Variants in STOX2 observed in about 807,000 individuals in gnomAD.
The protein encoded by STOX2 is storkhead-box protein 2.
In STOX2, 28 loss-of-function variants were observed where a neutral mutation model predicts 60.9. That is an observed-to-expected ratio of 0.46 (90% CI 0.34 to 0.63). The LOEUF is 0.63. Among genes scored for constraint, STOX2 ranks in the 30% least tolerant of loss-of-function variants. The pLI is 0.01. For missense variants in STOX2, 1,024 were observed against 1,187.7 expected, an observed-to-expected ratio of 0.86 and a Z score of 2.03; for synonymous variants, 472 against 463.9, an observed-to-expected ratio of 1.02 and a Z score of -0.22.
At chr4:183,863,704 T>C (rs115315994) in intron 1 of STOX2, among the ~76,000 whole-genome samples, 1,655 of 152,352 alleles carry the variant, frequency 0.011, 34 homozygotes, top group African/African-American at 0.038. Flanking sequence ...ATGGCTTTGA[T>C]TTTGGATTAC....
At chr4:183,981,730 T>C (rs1395267156) in intron 1 of STOX2, among the ~76,000 whole-genome samples, 2 of 152,210 alleles carry the variant, frequency 1.3e-5, no homozygotes, top group Non-Finnish European at 1.5e-5. Flanking sequence ...CAATGTGGTA[T>C]GGAAAAAATT....
intron 1 of STOX2, among the ~76,000 whole-genome samples, chr4:183,875,843 G>A (rs1252453975): frequency 6.6e-6 from 1 of 152,136 alleles, no homozygotes; most frequent in African/African-American, 2.4e-5. Flanking sequence ...TCAGCTTCCC[G>A]AGCAGCTGTG....
chr4:183,915,559 C>T (rs1051435647), intron 1 of STOX2, among the ~76,000 whole-genome samples: 1 of 152,118 alleles, frequency 6.6e-6, no homozygotes, highest in African/African-American at 2.4e-5. Flanking sequence ...CGAATATGCC[C>T]TTATTTGGAA....
At chr4:183,830,785 A>G (rs1249260426) in intron 1 of STOX2, among the ~76,000 whole-genome samples, 1 of 152,134 alleles carries the variant, frequency 6.6e-6, no homozygotes, top group African/African-American at 2.4e-5. Context: ...TCCTCCAACA[A>G]TAGGACACTT....
intron 3 of STOX2, among the ~76,000 whole-genome samples, chr4:184,012,829 AAAT>A (rs1734220212): frequency 6.6e-6 from 1 of 152,166 alleles, no homozygotes; most frequent in South Asian, 2.1e-4. Context: ...CATTTTTGCT[AAAT>A]AATTTTTTAT....
intron 1 of STOX2, among the ~76,000 whole-genome samples, chr4:183,981,794 G>C (rs1732666142): frequency 6.6e-6 from 1 of 152,160 alleles, no homozygotes; most frequent in Non-Finnish European, 1.5e-5. Flanking sequence ...CCTGCGGCTG[G>C]GCGCAGTGGC....
intron 1 of STOX2, among the ~76,000 whole-genome samples, chr4:183,890,383 C>G (rs1319745249): frequency 6.6e-6 from 1 of 150,990 alleles, no homozygotes; most frequent in African/African-American, 2.4e-5. Context: ...CCCTGGAGGC[C>G]GAGGCGGGAG....
At chr4:183,979,414 G>A (rs1432592550) in intron 1 of STOX2, among the ~76,000 whole-genome samples, 2 of 152,150 alleles carry the variant, frequency 1.3e-5, no homozygotes, top group Non-Finnish European at 2.9e-5. Context: ...TTTGACATGA[G>A]ATTTGTGCAG....
At chr4:183,977,546 C>CGTGTGTGTGTGTGTGTGTGTGT (rs56043761) in intron 1 of STOX2, among the ~76,000 whole-genome samples, 8,043 of 147,772 alleles carry the variant, frequency 0.054, 278 homozygotes, top group Middle Eastern at 0.11. Context: ...CATTCCATTT[C>CGTGTGTGTGTGTGTGTGTGTGT]GTGTGTGTGT....
In STOX2 at chr4:183,975,307, A is replaced by G. The variant is rs1391982237; in HGVS notation, c.167-26018A>G. Among the ~76,000 whole-genome samples the G allele has an allele frequency of 3.3e-5, 5 of 152,148 alleles. No homozygotes were observed. In the East Asian group the frequency reaches 9.6e-4, roughly 29 times the overall value. ...AGAAAAAGAAGAGCAAAACAAGTCTAAAGCAAGCAGAAAGAAGGAATTTTA... is the reference window on the plus strand; with the variant it reads ...AGAAAAAGAAGAGCAAAACAAGTCTGAAGCAAGCAGAAAGAAGGAATTTTA... On this transcript the variant is annotated intron_variant, in intron 1 of 3. Transcript: ENST00000308497.
At position 184,013,518 on chromosome 4, in the gene STOX2, A is replaced by G. The variant is rs188534699; in HGVS notation, c.2585+2095A>G. Among the ~76,000 whole-genome samples, 6 of 152,362 alleles carry G rather than the reference A, an allele frequency of 3.9e-5. No homozygotes were observed. The East Asian group carries it at 1.2e-3, about 29-fold the overall frequency. On this transcript the variant is annotated intron_variant, in intron 3 of 3. Transcript: ENST00000308497. ...GAATTTTCTCTACATGAAAACGTGT[A>G]TCACCTATACATGTTATACAGTTAG...
chr4:183,908,268 T>G (rs937397164), intron 1 of STOX2, among the ~76,000 whole-genome samples: 9 of 152,230 alleles, frequency 5.9e-5, no homozygotes, highest in Non-Finnish European at 1.2e-4. Flanking sequence ...CAGTTTATAC[T>G]TCAGTCATTT....
At chr4:183,798,998 C>G (rs1253705967) in intron 1 of STOX2, among the ~76,000 whole-genome samples, 2 of 141,872 alleles carry the variant, frequency 1.4e-5, no homozygotes. Flanking sequence ...GAAATTCTTT[C>G]TTGACATTTT....
At chr4:183,895,720 A>G (rs573770809) in intron 1 of STOX2, among the ~76,000 whole-genome samples, 1 of 152,352 alleles carries the variant, frequency 6.6e-6, no homozygotes, top group African/African-American at 2.4e-5. Flanking sequence ...AACCATTATT[A>G]GCACATAGCA....
rs1162654219 is a variant in STOX2, at chr4:184,001,620, T to G, written c.319+143T>G. The G allele has an allele frequency of 5.2e-6, 4 of 769,744 alleles. No homozygotes were observed. In the African/African-American group the frequency reaches 5.2e-5, roughly 10 times the overall value. The allele number at this position is 769,744 out of a possible 1,614,324, so 47.7% of individuals were successfully genotyped here. Reference sequence around the variant, plus strand: ...TGACCCGAAGCTTTCCTTACTTCTGTAATTAAAAATTCAGGCACCTGCATG... The same window carrying G: ...TGACCCGAAGCTTTCCTTACTTCTGGAATTAAAAATTCAGGCACCTGCATG... On this transcript the variant is annotated intron_variant, in intron 2 of 3. Coordinates refer to ENST00000308497, the MANE Select transcript of STOX2 (RefSeq NM_020225.3). The surrounding 1 kb of genome is among the most constrained non-coding windows in gnomAD (Gnocchi z 4.2).
intron 1 of STOX2, among the ~76,000 whole-genome samples, chr4:183,839,775 C>T (rs1739807435): frequency 6.6e-6 from 1 of 152,016 alleles, no homozygotes; most frequent in East Asian, 1.9e-4. Flanking sequence ...TTTTGGTTCC[C>T]ATAAGTTACA....
At position 184,009,105 on chromosome 4, in the gene STOX2, T is replaced by A; in HGVS notation, c.320-53T>A. On this transcript the variant is annotated intron_variant, in intron 2 of 3. Transcript: ENST00000308497. The surrounding 1 kb of genome is among the most constrained non-coding windows in gnomAD (Gnocchi z 4.0). ...TGAATAGGATCCTGGAAATCAGGAA[T>A]CCACATGTTCTGTCTTCATTCTCAC... 7.5e-7 allele frequency: 1 copy of A among 1,326,790 alleles called. No homozygotes were observed. The highest frequency in any genetic ancestry group is 1.5e-5 in the African/African-American group (1 of 67,564). The allele number at this position is 1,326,790 out of a possible 1,614,324, so 82.2% of individuals were successfully genotyped here. A position where few individuals can be genotyped will look rare whatever the true frequency, so the allele number is the denominator to read the frequency against.
chr4:183,963,529 C>T (rs940626749), intron 1 of STOX2, among the ~76,000 whole-genome samples: 1 of 150,712 alleles, frequency 6.6e-6, no homozygotes, highest in Non-Finnish European at 1.5e-5. Flanking sequence ...TGGGTTCAAA[C>T]GATTCTCATG....
At chr4:183,921,339 T>C (rs1172208318) in intron 1 of STOX2, among the ~76,000 whole-genome samples, 1 of 152,210 alleles carries the variant, frequency 6.6e-6, no homozygotes, top group Non-Finnish European at 1.5e-5. Flanking sequence ...TTAAAAACTA[T>C]AGATGGTTAA....
Sources: allele counts gnomAD v4.1 joint callset (sites outside exome capture counted in the v4.1 genomes callset), GRCh38; gene constraint gnomAD v4.1.1; non-coding constraint Gnocchi (gnomAD v3.1); transcripts MANE v1.5; gene names NCBI Gene and HGNC (gene_info 2026-07-23, HGNC 2026-07-21).